Variants in DENND4C observed in about 807,000 individuals in gnomAD.
The protein encoded by DENND4C is DENN domain containing 4C.
Under a neutral mutation model 203.0 loss-of-function variants are expected in DENND4C, and 108 were observed. The observed-to-expected ratio is 0.53, with a 90% CI of 0.46 to 0.62. DENND4C has a LOEUF of 0.62. Ranked by LOEUF, DENND4C falls within the 20% of genes least tolerant of loss-of-function variation. The pLI, the probability that DENND4C is intolerant of heterozygous loss-of-function variation, is 0.00. For missense variants in DENND4C, 2,481 were observed against 2,301.2 expected (o/e 1.08, Z -1.60); for synonymous variants, 871 against 792.4 (o/e 1.10, Z -1.67).
intron 22 of DENND4C, among the ~76,000 whole-genome samples, 190 bp downstream of exon 22, chr9:19,342,969 A>G (rs1821981331): frequency 6.6e-6 from 1 of 152,194 alleles, no homozygotes; most frequent in African/African-American, 2.4e-5. Context: ...GATTTTTAAA[A>G]GGAGTATTTA....
intron 1 of DENND4C, among the ~76,000 whole-genome samples, chr9:19,241,784 G>T (rs952840796): frequency 2.0e-5 from 3 of 152,058 alleles, no homozygotes; most frequent in Non-Finnish European, 4.4e-5. Context: ...TTGGGAGGCT[G>T]AGGTGGGACG....
At chr9:19,343,704 T>C (rs191710019) in intron 22 of DENND4C, among the ~76,000 whole-genome samples, 307 of 152,314 alleles carry the variant, frequency 2.0e-3, no homozygotes, top group African/African-American at 6.9e-3. Context: ...ATAGCAGAGA[T>C]ACTGGGGAAA....
intron 1 of DENND4C, among the ~76,000 whole-genome samples, chr9:19,266,171 C>T (rs1830459866): frequency 6.6e-6 from 1 of 152,134 alleles, no homozygotes; most frequent in Admixed American, 6.6e-5. Flanking sequence ...GATGGTATCC[C>T]ATTGTGGTTT....
chr9:19,352,856 C>T lies in DENND4C; in HGVS notation c.4781+191C>T, dbSNP rs143825282. Among the ~76,000 whole-genome samples the T allele has an allele frequency of 9.3e-4, 142 of 152,194 alleles. 1 individual carries two copies. Among genetic ancestry groups the T allele is most frequent in the Middle Eastern group, 3.4e-3 (1 of 294 alleles). On this transcript the variant is annotated intron_variant, in intron 26 of 32. Coordinates refer to ENST00000434457, the MANE Select transcript of DENND4C (RefSeq NM_001330640.2). ...TTTTATTTAAAGTAAGATTATCAGCCGGGCTCCGTGGCTCATGCTGTAATC... is the reference window on the plus strand; with the variant it reads ...TTTTATTTAAAGTAAGATTATCAGCTGGGCTCCGTGGCTCATGCTGTAATC...
intron 1 of DENND4C, among the ~76,000 whole-genome samples, chr9:19,262,649 C>A (rs1046337750): frequency 5.9e-5 from 9 of 152,026 alleles, no homozygotes; most frequent in Non-Finnish European, 1.0e-4. Context: ...CCAGACTGGT[C>A]TTTAATTCCT....
chr9:19,244,087 G>A (rs1347568531), intron 1 of DENND4C, among the ~76,000 whole-genome samples: 1 of 152,072 alleles, frequency 6.6e-6, no homozygotes, highest in African/African-American at 2.4e-5. Context: ...CTGAAGTGCA[G>A]TGGCGCAATC....
At chr9:19,251,067 C>T (rs775392973) in intron 1 of DENND4C, among the ~76,000 whole-genome samples, 5 of 152,252 alleles carry the variant, frequency 3.3e-5, no homozygotes, top group South Asian at 4.1e-4. Flanking sequence ...CCACATTTCC[C>T]TTCCACACTG....
At chr9:19,263,549 AGGTTTCACCCTGTT>A (rs1328245366) in intron 1 of DENND4C, among the ~76,000 whole-genome samples, 1 of 151,816 alleles carries the variant, frequency 6.6e-6, no homozygotes, top group African/African-American at 2.4e-5. Context: ...AGTAGAAACA[AGGTTTCACCCTGTT>A]GGCCAAGCTG....
chr9:19,237,555 C>T (rs1446802812), intron 1 of DENND4C, among the ~76,000 whole-genome samples: 1 of 151,946 alleles, frequency 6.6e-6, no homozygotes, highest in African/African-American at 2.4e-5. Context: ...GACAGGGTTT[C>T]AATGTGTTAG....
intron 4 of DENND4C, among the ~76,000 whole-genome samples, chr9:19,289,431 C>T (rs938380834): frequency 1.3e-5 from 2 of 152,114 alleles, no homozygotes; most frequent in African/African-American, 2.4e-5. Context: ...TCCAAAAAAT[C>T]GTGATTTTCA....
At chr9:19,239,447 G>A (rs1258044204) in intron 1 of DENND4C, among the ~76,000 whole-genome samples, 5 of 151,768 alleles carry the variant, frequency 3.3e-5, no homozygotes, top group East Asian at 1.9e-4. Flanking sequence ...TGTAGTCAGA[G>A]AACATGCTGC....
At chr9:19,259,687 TAGA>T (rs1439077655) in intron 1 of DENND4C, among the ~76,000 whole-genome samples, 1 of 151,990 alleles carries the variant, frequency 6.6e-6, no homozygotes, top group Non-Finnish European at 1.5e-5. Flanking sequence ...GTATTTTTAG[TAGA>T]GACGGAGTTT....
chr9:19,257,817 A>G (rs1179505291), intron 1 of DENND4C, among the ~76,000 whole-genome samples: 8 of 152,180 alleles, frequency 5.3e-5, no homozygotes. Flanking sequence ...GAAAGACACA[A>G]ACTACAAAAG....
intron 17 of DENND4C, among the ~76,000 whole-genome samples, chr9:19,332,540 T>G (rs568120725): frequency 6.7e-6 from 1 of 150,022 alleles, no homozygotes; most frequent in Non-Finnish European, 1.5e-5. Flanking sequence ...TTTTTTTGTA[T>G]TTTTAATAGA....
intron 12 of DENND4C, among the ~76,000 whole-genome samples, chr9:19,322,400 G>T (rs1200634687): frequency 6.6e-6 from 1 of 152,108 alleles, no homozygotes; most frequent in Admixed American, 6.5e-5. Context: ...TTGAAATGAT[G>T]GATATAGCAT....
chr9:19,304,826 G>C (rs531580165), intron 9 of DENND4C, among the ~76,000 whole-genome samples: 2 of 151,868 alleles, frequency 1.3e-5, no homozygotes, highest in African/African-American at 4.8e-5. Flanking sequence ...TGGGATTACA[G>C]GCGTGAGCCA....
chr9:19,284,814 A>G (rs2131063151), intron 2 of DENND4C, among the ~76,000 whole-genome samples: 1 of 152,256 alleles, frequency 6.6e-6, no homozygotes, highest in African/African-American at 2.4e-5. Flanking sequence ...TTTTTGTGAA[A>G]TAAGTTGCCA....
At chr9:19,305,264 A>G in intron 9 of DENND4C, 88 bp from the exon 10 acceptor site, 1 of 1,146,028 alleles carries the variant, frequency 8.7e-7, no homozygotes, top group Non-Finnish European at 1.2e-6. Context: ...ACTGCTTTTC[A>G]GTGGTCCCTT....
At chr9:19,309,515 G>A (rs1428210240) in intron 10 of DENND4C, among the ~76,000 whole-genome samples, 1 of 151,912 alleles carries the variant, frequency 6.6e-6, no homozygotes, top group Non-Finnish European at 1.5e-5. Context: ...TGTGTGAATT[G>A]TATGGTGTAT....
Sources: gnomAD v4.1 joint callset for allele counts (sites outside exome capture counted in the v4.1 genomes callset) on GRCh38, gnomAD v4.1.1 for gene constraint, MANE v1.5 for transcripts, NCBI Gene and HGNC (gene_info 2026-07-23, HGNC 2026-07-21) for gene names.